Variants in DLG2 observed in about 807,000 individuals in gnomAD.
The protein encoded by DLG2 is disks large homolog 2.
Under a neutral mutation model 132.5 loss-of-function variants are expected in DLG2, and 45 were observed. The observed-to-expected ratio is 0.34, with a 90% CI of 0.27 to 0.44. DLG2 has a LOEUF of 0.44. Ranked by LOEUF, DLG2 falls within the 20% of genes least tolerant of loss-of-function variation. The pLI is 1.00. For synonymous variants in DLG2, 424 were observed against 419.6 expected (o/e 1.01, Z -0.13); for missense variants, 1,045 against 1,196.9 (o/e 0.87, Z 1.87).
At chr11:84,832,821 G>A (rs755339686) in intron 6 of DLG2, among the ~76,000 whole-genome samples, 5 of 150,872 alleles carry the variant, frequency 3.3e-5, no homozygotes, top group Non-Finnish European at 7.4e-5. Flanking sequence ...TCCCCCCTCC[G>A]CCCCCAGTTT....
At chr11:85,024,156 A>T (rs1283100465) in intron 6 of DLG2, among the ~76,000 whole-genome samples, 4 of 152,132 alleles carry the variant, frequency 2.6e-5, no homozygotes, top group Non-Finnish European at 5.9e-5. Context: ...GGGAAGATCA[A>T]ATATAATATA....
At chr11:84,182,188 A>G (rs1221107093) in intron 8 of DLG2, among the ~76,000 whole-genome samples, 1 of 152,200 alleles carries the variant, frequency 6.6e-6, no homozygotes, top group East Asian at 1.9e-4. Context: ...TAACACCACA[A>G]TATAATTAGA....
At chr11:84,273,253 C>CATAGCGAAA in intron 7 of DLG2, 1 of 1,418,208 alleles carries the variant, frequency 7.1e-7, no homozygotes, top group Non-Finnish European at 9.3e-7. Flanking sequence ...TTGGCCGTTG[C>CATAGCGAAA]ATAGCGAAAG....
At chr11:84,736,396 C>T (rs1281560678) in intron 6 of DLG2, among the ~76,000 whole-genome samples, 1 of 151,506 alleles carries the variant, frequency 6.6e-6, no homozygotes, top group Non-Finnish European at 1.5e-5. Context: ...TAGAATTAAC[C>T]TGTTAATTCT....
At chr11:83,932,137 T>TG (rs970715795) in intron 14 of DLG2, among the ~76,000 whole-genome samples, 29 of 149,622 alleles carry the variant, frequency 1.9e-4, no homozygotes, top group African/African-American at 7.0e-4. Flanking sequence ...AAAGCCTTCT[T>TG]GCAATACTGA....
intron 19 of DLG2, among the ~76,000 whole-genome samples, chr11:83,554,107 GC>G (rs1198425159): frequency 6.6e-6 from 1 of 151,802 alleles, no homozygotes; most frequent in Non-Finnish European, 1.5e-5. Flanking sequence ...TGGTCTTGAG[GC>G]CCTGGGTTCA....
chr11:84,679,004 T>C (rs1006425117), intron 6 of DLG2, among the ~76,000 whole-genome samples: 2 of 152,076 alleles, frequency 1.3e-5, no homozygotes, highest in Non-Finnish European at 2.9e-5. Flanking sequence ...ATAAGTAACA[T>C]TTATTCTCAT....
chr11:85,292,018 G>A, intron 3 of DLG2, among the ~76,000 whole-genome samples: 1 of 152,120 alleles, frequency 6.6e-6, no homozygotes, highest in Non-Finnish European at 1.5e-5. Flanking sequence ...TATAGCACAG[G>A]TGATCTTACT....
At chr11:84,835,481 G>A (rs1272926921) in intron 6 of DLG2, among the ~76,000 whole-genome samples, 1 of 151,658 alleles carries the variant, frequency 6.6e-6, no homozygotes, top group Non-Finnish European at 1.5e-5. Flanking sequence ...TAGTGCATAT[G>A]AAAAGGTTAG....
intron 6 of DLG2, among the ~76,000 whole-genome samples, chr11:85,093,601 G>C (rs947898390): frequency 1.8e-4 from 28 of 152,316 alleles, no homozygotes; most frequent in African/African-American, 6.5e-4. Flanking sequence ...AGGTGAGGAA[G>C]AGCAAAGGCG....
At chr11:85,537,119 T>C (rs978660310) in intron 3 of DLG2, among the ~76,000 whole-genome samples, 3 of 152,162 alleles carry the variant, frequency 2.0e-5, no homozygotes, top group Non-Finnish European at 4.4e-5. Flanking sequence ...GGATTGTAAA[T>C]GCACCAATCA....
intron 16 of DLG2, among the ~76,000 whole-genome samples, chr11:83,843,559 G>A (rs571566610): frequency 3.3e-5 from 5 of 152,092 alleles, no homozygotes; most frequent in Non-Finnish European, 7.3e-5. Flanking sequence ...TTTTGGAAGC[G>A]GGTACAGGCT....
chr11:85,528,592 G>A (rs2074964008), intron 3 of DLG2, among the ~76,000 whole-genome samples: 1 of 152,174 alleles, frequency 6.6e-6, no homozygotes, highest in Non-Finnish European at 1.5e-5. Flanking sequence ...ATCCTGAGTT[G>A]AATTTATGCA....
chr11:85,132,937 A>G (rs930009379), intron 5 of DLG2: 9 of 423,418 alleles, frequency 2.1e-5, no homozygotes, highest in African/African-American at 1.8e-4. Context: ...GGGGCCCCTC[A>G]TGGGAAACTC....
intron 8 of DLG2, among the ~76,000 whole-genome samples, chr11:84,170,576 A>T (rs570394373): frequency 6.6e-6 from 1 of 152,310 alleles, no homozygotes; most frequent in East Asian, 1.9e-4. Context: ...AAAACTTTTC[A>T]TAGAGGAGAT....
At chr11:83,583,716 TTAAC>T (rs915311225) in intron 19 of DLG2, among the ~76,000 whole-genome samples, 1 of 152,220 alleles carries the variant, frequency 6.6e-6, no homozygotes, top group African/African-American at 2.4e-5. Flanking sequence ...ACAAGAACCT[TTAAC>T]TATTCTCTCA....
At chr11:84,082,441 T>A (rs1011621276) in intron 10 of DLG2, among the ~76,000 whole-genome samples, 4 of 152,192 alleles carry the variant, frequency 2.6e-5, no homozygotes, top group Non-Finnish European at 5.9e-5. Context: ...AAATACATTA[T>A]CTTCAAAAAC....
rs572799297 is a variant in DLG2, at chr11:84,843,841, A to T, written c.357+267820T>A. On this transcript the variant is annotated intron_variant, in intron 6 of 27. Transcript: ENST00000376104. ...CAGCAGGTTGAATCCATGGATGTGG[A>T]ACCAAAGAATACAGAAAGCTGACTG... 4.2e-4 allele frequency among the ~76,000 whole-genome samples: 64 copies of T among 151,788 alleles called. 1 individual carries two copies. The highest frequency in any genetic ancestry group is 1.4e-3 in the African/African-American group (59 of 41,470).
rs17741780 is a variant in DLG2 at position 84,915,747 on chromosome 11, G to A, written c.357+195914C>T. Among the ~76,000 whole-genome samples, 706 of 152,224 alleles carry A rather than the reference G, an allele frequency of 4.6e-3. 3 individuals carry two copies. Among genetic ancestry groups the A allele is most frequent in the Middle Eastern group, 6.8e-3 (2 of 294 alleles). Reference sequence around the variant, plus strand: ...GTTGTGCATCTATTCTTATTTGGTGGTAACACATCCAGTCCAAAGAGGTAC... The same window carrying A: ...GTTGTGCATCTATTCTTATTTGGTGATAACACATCCAGTCCAAAGAGGTAC... On this transcript the variant is annotated intron_variant, in intron 6 of 27. Coordinates refer to ENST00000376104, the MANE Select transcript of DLG2 (RefSeq NM_001142699.3).
Sources: allele counts gnomAD v4.1 joint callset (sites outside exome capture counted in the v4.1 genomes callset), GRCh38; gene constraint gnomAD v4.1.1; transcripts MANE v1.5; gene names NCBI Gene and HGNC (gene_info 2026-07-23, HGNC 2026-07-21).